COL4A2: variants seen among roughly 807,000 people sequenced by gnomAD.
The protein encoded by COL4A2 is collagen type IV alpha 2 chain.
A neutral mutation model predicts 200.2 loss-of-function variants in COL4A2; 99 were observed. The observed-to-expected ratio is 0.49, with a 90% CI of 0.42 to 0.58. The LOEUF (loss-of-function observed/expected upper bound fraction) is 0.58. Among genes scored for constraint, COL4A2 ranks in the 20% least tolerant of loss-of-function variants. The pLI is 0.00. For synonymous variants in COL4A2, 897 were observed against 900.6 expected, an observed-to-expected ratio of 1.00 and a Z score of 0.07; for missense variants, 1,950 against 2,314.1, an observed-to-expected ratio of 0.84 and a Z score of 3.23.
rs1380212410 is a variant in COL4A2 at position 110,509,266 on chromosome 13, T to TACACAC, written c.4881+1046_4881+1047insCACACA. ...TAAATTATATATATATATATATATA[T>TACACAC]ATATACACACACACACACACACACA... On this transcript the variant is annotated intron_variant, in intron 47 of 47. Transcript: ENST00000360467. Among the ~76,000 whole-genome samples, 435 of 118,254 alleles carry TACACAC rather than the reference T, an allele frequency of 3.7e-3. 2 individuals carry two copies. Among genetic ancestry groups the TACACAC allele is most frequent in the Non-Finnish European group, 5.3e-3 (324 of 60,938 alleles). 77.6% of individuals were successfully genotyped at this position (118,254 alleles called of 152,430 possible). A position where few individuals can be genotyped will look rare whatever the true frequency, so the allele number is the denominator to read the frequency against.
intron 21 of COL4A2, chr13:110,457,861 A>G (rs1881836144): frequency 4.5e-6 from 2 of 444,602 alleles, no homozygotes; most frequent in African/African-American, 2.0e-5. Flanking sequence ...CCCTGGTCCT[A>G]CTGAGACTCG....
intron 3 of COL4A2, among the ~76,000 whole-genome samples, chr13:110,311,222 C>T (rs989837871): frequency 5.3e-5 from 8 of 152,174 alleles, no homozygotes; most frequent in Non-Finnish European, 1.0e-4. Context: ...GAAAGGAAGC[C>T]GAAATCCCAC....
chr13:110,410,200 A>G (rs1339763127), intron 4 of COL4A2, among the ~76,000 whole-genome samples: 1 of 152,224 alleles, frequency 6.6e-6, no homozygotes, highest in Non-Finnish European at 1.5e-5. Flanking sequence ...ATCCGTGAGC[A>G]AGAAGCCAGG....
At chr13:110,351,723 A>G (rs923467788) in intron 3 of COL4A2, among the ~76,000 whole-genome samples, 2 of 152,100 alleles carry the variant, frequency 1.3e-5, no homozygotes, top group Admixed American at 1.3e-4. Context: ...GATAAGTCCA[A>G]TGGGGTCTGG....
chr13:110,480,062 G>A lies in COL4A2; in HGVS notation c.2588-158G>A, dbSNP rs535202854. Among the ~76,000 whole-genome samples the A allele has an allele frequency of 7.2e-5, 11 of 152,304 alleles. No individual in the cohort carries two copies. The East Asian group carries it at 9.6e-4, about 13-fold the overall frequency. ...CCAGAAAGGCCAGCCCCAGGGTCCC[G>A]CTCCGGCCACACTTTGGAAACTCAC... On this transcript the variant is annotated intron_variant, in intron 30 of 47. Coordinates refer to ENST00000360467, the MANE Select transcript of COL4A2 (RefSeq NM_001846.4).
chr13:110,387,194 G>A (rs1024367436), intron 4 of COL4A2, among the ~76,000 whole-genome samples: 23 of 152,104 alleles, frequency 1.5e-4, no homozygotes, highest in Middle Eastern at 3.4e-3. Context: ...AGCCGAAATC[G>A]CACCACTGCA....
intron 3 of COL4A2, among the ~76,000 whole-genome samples, chr13:110,327,015 C>T (rs1358552209): frequency 2.0e-5 from 3 of 152,238 alleles, no homozygotes; most frequent in African/African-American, 4.8e-5. Flanking sequence ...ATTCAATTAG[C>T]GACTCAGAGT....
intron 4 of COL4A2, among the ~76,000 whole-genome samples, chr13:110,407,482 GGCCTGGGCA>G (rs1879615817): frequency 6.6e-6 from 1 of 152,256 alleles, no homozygotes; most frequent in Non-Finnish European, 1.5e-5. Context: ...AGCACCAGGA[GGCCTGGGCA>G]TCACATCCAC....
At chr13:110,318,913 T>A (rs909871151) in intron 3 of COL4A2, among the ~76,000 whole-genome samples, 4 of 152,054 alleles carry the variant, frequency 2.6e-5, no homozygotes, top group Admixed American at 6.5e-5. Flanking sequence ...TAATGAAATA[T>A]TCCATATTTC....
At chr13:110,472,818 T>C (rs527814267) in intron 28 of COL4A2, 111 bp from the exon 29 acceptor site, 1 of 921,724 alleles carries the variant, frequency 1.1e-6, no homozygotes, top group Non-Finnish European at 1.7e-6. Context: ...AGGAATGCCT[T>C]CTGAGGACCC....
intron 8 of COL4A2, 60 bp from the exon 9 acceptor site, chr13:110,430,341 G>A (rs1880628845): frequency 4.4e-6 from 7 of 1,590,756 alleles, no homozygotes; most frequent in Non-Finnish European, 6.0e-6. Context: ...GCAATAAAAG[G>A]TAAGTAAATC....
intron 29 of COL4A2, 170 bp downstream of exon 29, chr13:110,473,320 A>C: frequency 1.7e-6 from 1 of 583,100 alleles, no homozygotes; most frequent in Non-Finnish European, 2.9e-6. Context: ...TGTGTCTGTC[A>C]CAACACTGTG....
At chr13:110,341,296 C>T (rs1415505938) in intron 3 of COL4A2, among the ~76,000 whole-genome samples, 1 of 152,238 alleles carries the variant, frequency 6.6e-6, no homozygotes, top group African/African-American at 2.4e-5. Flanking sequence ...TGTCATGTTC[C>T]CACCCATAGC....
In COL4A2 at chr13:110,313,286, C is replaced by T. The variant is rs963321640; in HGVS notation, c.99+5163C>T. Among the ~76,000 whole-genome samples, 3 of 152,154 alleles carry T rather than the reference C, an allele frequency of 2.0e-5. No individual in the cohort carries two copies. In the East Asian group the frequency reaches 5.8e-4, roughly 29 times the overall value. On this transcript the variant is annotated intron_variant, in intron 3 of 47. Transcript: ENST00000360467. ...AGGTGACGGCCTAAGTGACTCACTG[C>T]TCTTGATTTCATTGGTGGCTCCGGA...
At chr13:110,394,115 T>A (rs572533640) in intron 4 of COL4A2, among the ~76,000 whole-genome samples, 4 of 152,214 alleles carry the variant, frequency 2.6e-5, no homozygotes, top group East Asian at 1.9e-4. Context: ...TTGTAAAAAA[T>A]TTTTCTCACA....
At chr13:110,373,867 C>T (rs960075446) in intron 4 of COL4A2, among the ~76,000 whole-genome samples, 1 of 152,248 alleles carries the variant, frequency 6.6e-6, no homozygotes, top group African/African-American at 2.4e-5. Flanking sequence ...TGCCAAGGGG[C>T]AGCATCCGTT....
At chr13:110,355,718 G>A (rs1403169642) in intron 3 of COL4A2, among the ~76,000 whole-genome samples, 1 of 41,132 alleles carries the variant, frequency 2.4e-5, no homozygotes, top group Non-Finnish European at 4.1e-5. Flanking sequence ...TGAGTGGGGA[G>A]GGCTGCACTA....
intron 3 of COL4A2, among the ~76,000 whole-genome samples, chr13:110,337,062 G>A (rs1276349399): frequency 1.3e-5 from 2 of 152,238 alleles, no homozygotes; most frequent in Non-Finnish European, 2.9e-5. Context: ...GAGGGGAAAT[G>A]AGGAAAACAG....
intron 4 of COL4A2, among the ~76,000 whole-genome samples, chr13:110,410,808 G>C (rs1879801053): frequency 6.6e-6 from 1 of 152,086 alleles, no homozygotes; most frequent in Non-Finnish European, 1.5e-5. Context: ...CTCAGGGAAG[G>C]GCAGTGACTT....
Sources: allele counts gnomAD v4.1 joint callset (sites outside exome capture counted in the v4.1 genomes callset), GRCh38; gene constraint gnomAD v4.1.1; transcripts MANE v1.5; gene names NCBI Gene and HGNC (gene_info 2026-07-23, HGNC 2026-07-21).